Variants in GABBR2 observed in about 807,000 individuals in gnomAD.
GABBR2 encodes gamma-aminobutyric acid type B receptor subunit 2.
Under a neutral mutation model 105.6 loss-of-function variants are expected in GABBR2, and 23 were observed. The ratio of observed to expected loss-of-function variants is 0.22; its 90% CI spans 0.16 to 0.31. GABBR2 has a LOEUF of 0.31. GABBR2 is among the 10% of genes least tolerant of loss of function. The probability of loss-of-function intolerance (pLI) is 1.00; values close to 1 mark genes in which losing one functional copy is unlikely to be tolerated. For synonymous variants in GABBR2, 478 were observed against 499.7 expected (o/e 0.96, Z 0.58); for missense variants, 734 against 1,245.5 (o/e 0.59, Z 6.18).
chr9:98,536,302 C>A (rs945722560), intron 3 of GABBR2, among the ~76,000 whole-genome samples: 2 of 152,092 alleles, frequency 1.3e-5, no homozygotes, highest in Non-Finnish European at 2.9e-5. Flanking sequence ...TCTTAGAGGT[C>A]AACTGGCCCA....
chr9:98,416,879 A>G (rs926870264), intron 7 of GABBR2, among the ~76,000 whole-genome samples: 1 of 152,168 alleles, frequency 6.6e-6, no homozygotes, highest in Non-Finnish European at 1.5e-5. Flanking sequence ...TGAAATGCCT[A>G]GAGTGGCTTC....
At chr9:98,539,786 C>T (rs987916350) in intron 3 of GABBR2, among the ~76,000 whole-genome samples, 2 of 151,662 alleles carry the variant, frequency 1.3e-5, no homozygotes, top group African/African-American at 2.4e-5. Flanking sequence ...TGTGGTGGCA[C>T]GTGCCTGTAG....
rs184739183 is a variant in GABBR2, at chr9:98,681,037, C to T, written c.321+27380G>A. Among the ~76,000 whole-genome samples, 487 of 152,018 alleles carry T rather than the reference C, an allele frequency of 3.2e-3. 9 individuals carry two copies. In the East Asian group the frequency reaches 0.039, roughly 12 times the overall value. ...ACCATTGTGGAAGTCAGTGTGGCGACTCCTCAGGGATCTAGAACTAGAAAT... is the reference window on the plus strand; with the variant it reads ...ACCATTGTGGAAGTCAGTGTGGCGATTCCTCAGGGATCTAGAACTAGAAAT... On this transcript the variant is annotated intron_variant, in intron 1 of 18. Transcript: ENST00000259455.
At chr9:98,658,052 G>C (rs183582411) in intron 1 of GABBR2, among the ~76,000 whole-genome samples, 1 of 152,348 alleles carries the variant, frequency 6.6e-6, no homozygotes, top group Admixed American at 6.5e-5. Flanking sequence ...GGCACTGACT[G>C]CTTGCTAAGC....
intron 1 of GABBR2, among the ~76,000 whole-genome samples, chr9:98,651,410 G>T (rs534701500): frequency 2.0e-5 from 3 of 152,076 alleles, no homozygotes; most frequent in Non-Finnish European, 4.4e-5. Flanking sequence ...ACAGGCGTGA[G>T]CCACTGTGCC....
Position 98,306,012 on chromosome 9 carries a change from T to C in GABBR2, c.2229+109A>G. Reference sequence around the variant, plus strand: ...TCTATAATGTGAATTGTCTTCATCATAAAAAAAAAAAGGAATGGGTAAACC... The same window carrying C: ...TCTATAATGTGAATTGTCTTCATCACAAAAAAAAAAAGGAATGGGTAAACC... On this transcript the variant is annotated intron_variant, in intron 15 of 18. Coordinates refer to ENST00000259455, the MANE Select transcript of GABBR2 (RefSeq NM_005458.8). This position sits in a 1 kb window ranked among gnomAD's most constrained non-coding sequence, Gnocchi z 5.4. 1.8e-6 allele frequency: 1 copy of C among 559,572 alleles called. No individual in the cohort carries two copies. Among genetic ancestry groups the C allele is most frequent in the Non-Finnish European group, 3.0e-6 (1 of 328,692 alleles). The allele number at this position is 559,572 out of a possible 1,614,324, so 34.7% of individuals were successfully genotyped here.
Position 98,380,590 on chromosome 9 carries a change from T to C in GABBR2, c.1662+5050A>G, listed in dbSNP as rs1831955309. ...CAGCTCCACGTCCACAGGGGCCACG[T>C]TGCTATGGTGACTCCACTACCCGCA... On this transcript the variant is annotated intron_variant, in intron 11 of 18. Transcript: ENST00000259455. 2.0e-5 allele frequency among the ~76,000 whole-genome samples: 3 copies of C among 152,278 alleles called. No individual in the cohort carries two copies. The South Asian group carries it at 6.2e-4, about 32-fold the overall frequency.
intron 2 of GABBR2, among the ~76,000 whole-genome samples, chr9:98,570,647 G>T (rs1828817219): frequency 6.6e-6 from 1 of 152,168 alleles, no homozygotes; most frequent in East Asian, 1.9e-4. Flanking sequence ...TGGGAGATCT[G>T]CAGGACTGCC....
intron 1 of GABBR2, among the ~76,000 whole-genome samples, chr9:98,639,668 C>T (rs1829932459): frequency 6.6e-6 from 1 of 152,198 alleles, no homozygotes; most frequent in African/African-American, 2.4e-5. Flanking sequence ...TTTCCACACT[C>T]TGCTTTAGAA....
At chr9:98,675,887 G>C (rs1830471088) in intron 1 of GABBR2, among the ~76,000 whole-genome samples, 1 of 152,120 alleles carries the variant, frequency 6.6e-6, no homozygotes, top group Non-Finnish European at 1.5e-5. Context: ...TGTGTGGCAG[G>C]CATTAAGAAG....
intron 13 of GABBR2, among the ~76,000 whole-genome samples, chr9:98,327,866 C>CA (rs35475912): frequency 0.038 from 5,669 of 147,614 alleles, 149 homozygotes; most frequent in Middle Eastern, 0.053. Context: ...GAGACTGTCT[C>CA]AAAAAAAATA....
At chr9:98,428,375 C>T (rs1825736675) in intron 7 of GABBR2, among the ~76,000 whole-genome samples, 1 of 152,194 alleles carries the variant, frequency 6.6e-6, no homozygotes, top group Non-Finnish European at 1.5e-5. Flanking sequence ...AGCTCCAAAG[C>T]AGGGAGGAAG....
At chr9:98,553,618 T>G (rs1229591571) in intron 2 of GABBR2, among the ~76,000 whole-genome samples, 1 of 152,126 alleles carries the variant, frequency 6.6e-6, no homozygotes, top group African/African-American at 2.4e-5. Flanking sequence ...GAGGCAAAGC[T>G]GGGACCTGAG....
chr9:98,643,372 C>T (rs1365277758), intron 1 of GABBR2, among the ~76,000 whole-genome samples: 1 of 152,220 alleles, frequency 6.6e-6, no homozygotes, highest in East Asian at 1.9e-4. Flanking sequence ...CTCTGCCATG[C>T]TCAATACTCA....
At chr9:98,448,773 A>G (rs114537047) in intron 7 of GABBR2, among the ~76,000 whole-genome samples, 321 of 152,318 alleles carry the variant, frequency 2.1e-3, no homozygotes, top group African/African-American at 7.5e-3. Context: ...CTGTCCTTTT[A>G]AAAGACAAAT....
chr9:98,471,504 G>C (rs1242671514), intron 6 of GABBR2, among the ~76,000 whole-genome samples: 1 of 152,228 alleles, frequency 6.6e-6, no homozygotes, highest in African/African-American at 2.4e-5. Flanking sequence ...TTCCTACAAT[G>C]CACTCTCGTG....
intron 1 of GABBR2, among the ~76,000 whole-genome samples, chr9:98,642,681 G>T (rs1473812939): frequency 1.3e-5 from 2 of 152,250 alleles, no homozygotes; most frequent in East Asian, 1.9e-4. Flanking sequence ...ATTTTTAATG[G>T]AACAGAATAG....
At chr9:98,498,727 T>C (rs1827336761) in intron 3 of GABBR2, among the ~76,000 whole-genome samples, 1 of 152,232 alleles carries the variant, frequency 6.6e-6, no homozygotes, top group African/African-American at 2.4e-5. Flanking sequence ...ATCCTTCGTT[T>C]TTACCTCAAT....
At chr9:98,531,338 G>A (rs55703227) in intron 3 of GABBR2, among the ~76,000 whole-genome samples, 9,115 of 152,182 alleles carry the variant, frequency 0.06, 398 homozygotes, top group Non-Finnish European at 0.091. Flanking sequence ...AGGTCCTGAG[G>A]TCTTCCTTTT....
Sources: gnomAD v4.1 joint callset for allele counts (sites outside exome capture counted in the v4.1 genomes callset) on GRCh38, gnomAD v4.1.1 for gene constraint, Gnocchi (gnomAD v3.1) non-coding constraint, MANE v1.5 for transcripts, NCBI Gene and HGNC (gene_info 2026-07-23, HGNC 2026-07-21) for gene names.